SND1: variants seen among roughly 807,000 people sequenced by gnomAD.
SND1 encodes the protein staphylococcal nuclease and tudor domain containing 1, also known as staphylococcal nuclease domain-containing protein 1.
A neutral mutation model predicts 121.7 loss-of-function variants in SND1; 38 were observed. The ratio of observed to expected loss-of-function variants is 0.31; its 90% CI spans 0.24 to 0.41. The LOEUF is 0.41. Among genes scored for constraint, SND1 ranks in the 10% least tolerant of loss-of-function variants. SND1 has a pLI of 1.00. For missense variants in SND1, 868 were observed against 1,184.6 expected (o/e 0.73, Z 3.92); for synonymous variants, 401 against 447.4 (o/e 0.90, Z 1.31).
chr7:127,951,902 C>A (rs1247841742), intron 15 of SND1, among the ~76,000 whole-genome samples: 1 of 152,184 alleles, frequency 6.6e-6, no homozygotes, highest in African/African-American at 2.4e-5. Context: ...CTTATTTGGA[C>A]CTGCATGTTG....
intron 11 of SND1, among the ~76,000 whole-genome samples, chr7:127,837,120 G>A (rs1389701207): frequency 6.6e-6 from 1 of 152,064 alleles, no homozygotes; most frequent in Non-Finnish European, 1.5e-5. Flanking sequence ...GTTTAAGAAT[G>A]TTTACAAAGA....
At chr7:127,746,737 A>G (rs898994029) in intron 10 of SND1, among the ~76,000 whole-genome samples, 2 of 152,072 alleles carry the variant, frequency 1.3e-5, no homozygotes, top group Non-Finnish European at 2.9e-5. Context: ...TAGGCTAGAA[A>G]ACTGATGTCT....
chr7:128,051,626 G>A (rs1793047490), intron 16 of SND1, among the ~76,000 whole-genome samples: 1 of 152,226 alleles, frequency 6.6e-6, no homozygotes, highest in African/African-American at 2.4e-5. Flanking sequence ...TTTTTAGAGG[G>A]ATCCTGATAA....
chr7:127,800,550 G>T (rs1798107311), intron 10 of SND1, among the ~76,000 whole-genome samples: 1 of 152,160 alleles, frequency 6.6e-6, no homozygotes, highest in Admixed American at 6.5e-5. Flanking sequence ...ATAAAAGTAT[G>T]AAATATTGGG....
chr7:128,018,490 G>T (rs897957780), intron 16 of SND1, among the ~76,000 whole-genome samples: 1 of 152,216 alleles, frequency 6.6e-6, no homozygotes, highest in South Asian at 2.1e-4. Flanking sequence ...GCCTCCCTCC[G>T]TGGCCCACAT....
intron 15 of SND1, among the ~76,000 whole-genome samples, chr7:127,975,424 C>CGT (rs66757341): frequency 0.048 from 7,103 of 147,436 alleles, 223 homozygotes; most frequent in Non-Finnish European, 0.064. Context: ...TGACTCCCCT[C>CGT]GTGTGTGTGT....
At chr7:127,720,032 T>G (rs1201230851) in intron 9 of SND1, among the ~76,000 whole-genome samples, 1 of 152,210 alleles carries the variant, frequency 6.6e-6, no homozygotes, top group Non-Finnish European at 1.5e-5. Context: ...GTGTGGCTGG[T>G]TGGTTCTTTG....
At chr7:127,690,417 C>G (rs1165029743) in intron 2 of SND1, among the ~76,000 whole-genome samples, 1 of 152,238 alleles carries the variant, frequency 6.6e-6, no homozygotes, top group Non-Finnish European at 1.5e-5. Flanking sequence ...GCAGCCCCCT[C>G]CATCAGTAGT....
intron 12 of SND1, among the ~76,000 whole-genome samples, chr7:127,859,122 A>C (rs921875265): frequency 1.3e-5 from 2 of 151,926 alleles, no homozygotes; most frequent in Admixed American, 1.3e-4. Context: ...ATGTGTTTGC[A>C]TGGGGGGGTG....
At chr7:127,992,620 A>G (rs1802546323) in intron 16 of SND1, among the ~76,000 whole-genome samples, 1 of 152,182 alleles carries the variant, frequency 6.6e-6, no homozygotes, top group Admixed American at 6.5e-5. Context: ...CATTCTCATC[A>G]TTTACTGTCT....
chr7:127,684,222 A>C (rs891846743), intron 1 of SND1, among the ~76,000 whole-genome samples: 1 of 152,202 alleles, frequency 6.6e-6, no homozygotes, highest in Non-Finnish European at 1.5e-5. Flanking sequence ...TTCGTCAGAG[A>C]GGATGAGTTT....
intron 12 of SND1, among the ~76,000 whole-genome samples, chr7:127,846,249 C>A (rs912843982): frequency 5.9e-5 from 9 of 151,736 alleles, no homozygotes; most frequent in African/African-American, 2.2e-4. Context: ...ATGAAATATT[C>A]TTTTTTTTGT....
At chr7:127,913,478 T>G (rs1177628549) in intron 14 of SND1, among the ~76,000 whole-genome samples, 5 of 152,326 alleles carry the variant, frequency 3.3e-5, no homozygotes, top group African/African-American at 1.2e-4. Context: ...AAGTAGCATA[T>G]TTTTCCAAAG....
At chr7:127,858,267 A>G (rs918621754) in intron 12 of SND1, 1 of 801,818 alleles carries the variant, frequency 1.2e-6, no homozygotes, top group Non-Finnish European at 2.1e-6. Flanking sequence ...GCCAATTCGG[A>G]GAGCCGGTCC....
chr7:127,990,415 A>G (rs1461413889), intron 15 of SND1, among the ~76,000 whole-genome samples: 1 of 152,214 alleles, frequency 6.6e-6, no homozygotes, highest in East Asian at 1.9e-4. Flanking sequence ...ATTGTCCAGA[A>G]TACACCCAGA....
At chr7:127,811,590 G>A (rs1798335841) in intron 11 of SND1, among the ~76,000 whole-genome samples, 1 of 152,054 alleles carries the variant, frequency 6.6e-6, no homozygotes, top group South Asian at 2.1e-4. Context: ...CGTCTAGCCT[G>A]GACTCCTATG....
intron 13 of SND1, among the ~76,000 whole-genome samples, chr7:127,891,394 C>G (rs1399703333): frequency 6.6e-6 from 1 of 151,984 alleles, no homozygotes; most frequent in Non-Finnish European, 1.5e-5. Flanking sequence ...TTGAGTTTGC[C>G]TTTAGTTTGA....
intron 10 of SND1, among the ~76,000 whole-genome samples, chr7:127,787,403 A>G (rs143481282): frequency 3.4e-4 from 51 of 152,200 alleles, no homozygotes; most frequent in African/African-American, 1.0e-3. Context: ...CCTGCCTAAT[A>G]TTTAAATTTT....
chr7:127,694,712 AG>A (rs1795978485), intron 2 of SND1, 115 bp from the exon 3 acceptor site: 1 of 1,193,346 alleles, frequency 8.4e-7, no homozygotes, highest in South Asian at 1.5e-5. Context: ...GGTCCAGCGC[AG>A]GGCCAGGACC....
Sources: allele counts gnomAD v4.1 joint callset (sites outside exome capture counted in the v4.1 genomes callset), GRCh38; gene constraint gnomAD v4.1.1; transcripts MANE v1.5; gene names NCBI Gene and HGNC (gene_info 2026-07-23, HGNC 2026-07-21).